The following FRMD1 variants were observed in gnomAD, a reference collection of about 807,000 sequenced individuals.
FRMD1 encodes FERM domain containing 1.
A neutral mutation model predicts 54.9 loss-of-function variants in FRMD1; 51 were observed. The ratio of observed to expected loss-of-function variants is 0.93; its 90% CI spans 0.74 to 1.17. FRMD1 has a LOEUF of 1.17. FRMD1 is among the 50% of genes most tolerant of loss of function. FRMD1 has a pLI of 0.00. For missense variants in FRMD1, 729 were observed against 743.0 expected (o/e 0.98, Z 0.22); for synonymous variants, 324 against 306.4 (o/e 1.06, Z -0.60).
intron 2 of FRMD1, among the ~76,000 whole-genome samples, chr6:168,070,985 G>A (rs1224381317): frequency 6.6e-6 from 1 of 152,194 alleles, no homozygotes; most frequent in South Asian, 2.1e-4. Context: ...CAGGCAGATC[G>A]GGACACACCA....
chr6:168,089,974 G>A (rs1389950693), intron 1 of FRMD1, among the ~76,000 whole-genome samples: 3 of 152,240 alleles, frequency 2.0e-5, no homozygotes, highest in African/African-American at 4.8e-5. Context: ...CTCAGCACTC[G>A]CAGCCCATCC....
In FRMD1 at chr6:168,060,981, A is replaced by AC. The variant is rs1188709275; in HGVS notation, c.1121dup (p.Ser374ArgfsTer53). 1 of 1,612,648 alleles carries AC rather than the reference A, an allele frequency of 6.2e-7. No individual in the cohort carries two copies. The highest frequency in any genetic ancestry group is 8.5e-7 in the Non-Finnish European group (1 of 1,179,930). On this transcript the variant is annotated frameshift_variant, in exon 9 of 11. Transcript: ENST00000283309. LOFTEE classifies it high-confidence loss of function. Reference sequence around the variant, plus strand: ...GGGGGCAGTGCTGGCTGCTGACCCCACTGCCCGGGAAGCTCCTGCTGGCCA... The same window carrying AC: ...GGGGGCAGTGCTGGCTGCTGACCCCACCTGCCCGGGAAGCTCCTGCTGGCCA...
chr6:168,084,523 A>G (rs1395748556), upstream of FRMD1, among the ~76,000 whole-genome samples: 1 of 152,178 alleles, frequency 6.6e-6, no homozygotes, highest in Non-Finnish European at 1.5e-5. Flanking sequence ...CCCTGGACCA[A>G]GAAGAAAACC....
chr6:168,090,990 C>T (rs1191629952), intron 1 of FRMD1, among the ~76,000 whole-genome samples: 1 of 152,218 alleles, frequency 6.6e-6, no homozygotes, highest in Non-Finnish European at 1.5e-5. Context: ...CCTCACTGGC[C>T]ACCCAAGCGG....
At chr6:168,084,661 G>A (rs1306908292), upstream of FRMD1, among the ~76,000 whole-genome samples, 1 of 152,222 alleles carries the variant, frequency 6.6e-6, no homozygotes, top group Non-Finnish European at 1.5e-5. Context: ...CCGTGAGAGC[G>A]CCTGCAGCCC....
intron 1 of FRMD1, among the ~76,000 whole-genome samples, chr6:168,087,250 G>A (rs1045339303): frequency 3.3e-5 from 5 of 151,974 alleles, no homozygotes; most frequent in African/African-American, 1.2e-4. Flanking sequence ...GTATTTTTTG[G>A]TAGACACAGG....
At chr6:168,081,524 A>G (rs1450748548), upstream of FRMD1, 41 of 1,523,104 alleles carry the variant, frequency 2.7e-5, no homozygotes, top group Non-Finnish European at 3.5e-5. Context: ...CTTCTTCTGG[A>G]CGGCTGGTTT....
intron 1 of FRMD1, among the ~76,000 whole-genome samples, chr6:168,091,014 C>T (rs1433938937): frequency 2.0e-5 from 3 of 152,230 alleles, no homozygotes; most frequent in Admixed American, 1.3e-4. Flanking sequence ...CCCGGCTCCG[C>T]TCTCTGCCCT....
intron 10 of FRMD1, among the ~76,000 whole-genome samples, chr6:168,058,913 C>T (rs1450246029): frequency 1.3e-5 from 2 of 152,186 alleles, no homozygotes; most frequent in African/African-American, 2.4e-5. Context: ...CCGACTCACT[C>T]GGCCCTGAGG....
At chr6:168,075,471 C>A in intron 1 of FRMD1, 136 bp from the exon 2 acceptor site, 1 of 717,786 alleles carries the variant, frequency 1.4e-6, no homozygotes, top group Admixed American at 2.0e-5. Flanking sequence ...AGGTCTGGGT[C>A]TCTCACTCTC....
rs148097635 is a variant in FRMD1, at chr6:168,060,836, C to G, written c.1267G>C (p.Gly423Arg). The G allele has an allele frequency of 6.2e-7, 1 of 1,613,572 alleles. No homozygotes were observed. Among genetic ancestry groups the G allele is most frequent in the Non-Finnish European group, 8.5e-7 (1 of 1,179,980 alleles). ...GAGGACGGCTCCTTCTCATGGAGCC[C>G]GTGGACCTCCAAGGGCACGTCCACA... ...MSVDVPLEVH[G>R]LHEKEPSSSP... The change falls in exon 9 of 11, where the codon GGG (glycine) becomes CGG (arginine). Residue 423 changes from glycine (G) to arginine (R), a missense_variant. Transcript: ENST00000283309.
upstream of FRMD1, among the ~76,000 whole-genome samples, chr6:168,079,605 C>T (rs1187774662): frequency 2.6e-5 from 4 of 152,202 alleles, no homozygotes; most frequent in African/African-American, 9.6e-5. Flanking sequence ...CTGCCCCACA[C>T]ACCTCCTGTG....
chr6:168,075,805 G>A (rs528610097), intron 1 of FRMD1: 1 of 1,549,994 alleles, frequency 6.5e-7, no homozygotes, highest in Non-Finnish European at 8.7e-7. Flanking sequence ...TCTCACGGCA[G>A]CCTCTAAACA....
chr6:168,081,327 C>G (rs1183908391), upstream of FRMD1: 7 of 1,511,124 alleles, frequency 4.6e-6, no homozygotes, highest in Admixed American at 4.0e-5. Flanking sequence ...TGACCGGGCC[C>G]CAACACTGAC....
At chr6:168,075,596 G>T in intron 1 of FRMD1, 3 of 751,292 alleles carry the variant, frequency 4.0e-6, no homozygotes, top group Non-Finnish European at 4.6e-6. Flanking sequence ...CTCCATCCCT[G>T]TCTGTCTCTG....
chr6:168,075,014 T>C (rs915379336), intron 2 of FRMD1, among the ~76,000 whole-genome samples: 7 of 151,536 alleles, frequency 4.6e-5, no homozygotes, highest in African/African-American at 1.7e-4. Context: ...ATGTGTGTGG[T>C]GTGTGCATGT....
chr6:168,063,292 G>A (rs984661304), intron 6 of FRMD1, among the ~76,000 whole-genome samples: 1 of 146,766 alleles, frequency 6.8e-6, no homozygotes, highest in Non-Finnish European at 1.5e-5. Context: ...TAGCCACGGG[G>A]GCTCCATCCA....
In FRMD1 at chr6:168,059,185, G is replaced by A. The variant is rs1250786374; in HGVS notation, c.1346C>T (p.Thr449Ile). The change falls in exon 10 of 11, where the codon ACT (threonine) becomes ATT (isoleucine). Residue 449 changes from threonine to isoleucine, a missense_variant. Physicochemically the swap from Thr to Ile is moderately conservative, Grantham distance 89. Coordinates refer to ENST00000283309, the MANE Select transcript of FRMD1 (RefSeq NM_024919.6). The surrounding 1 kb of genome is among the most constrained non-coding windows in gnomAD (Gnocchi z 4.4). ...HPSTRGDSQA[T>I]RQEPCTQVRT... ...GACCTGGGTGCAGGGCTCCTGACGA[G>A]TGGCTGTGGGAGGAGGCAGCCGTGA... 14 of 1,584,254 alleles carry A rather than the reference G, an allele frequency of 8.8e-6. No homozygotes were observed. Among genetic ancestry groups the A allele is most frequent in the Non-Finnish European group, 1.2e-5 (14 of 1,168,686 alleles).
intron 4 of FRMD1, chr6:168,065,925 T>C: frequency 1.0e-6 from 1 of 1,000,250 alleles, no homozygotes; most frequent in Non-Finnish European, 1.2e-6. Flanking sequence ...TGGAAGTAAG[T>C]CTCAGGATCC....
Sources: gnomAD v4.1 joint callset for allele counts (sites outside exome capture counted in the v4.1 genomes callset) on GRCh38, gnomAD v4.1.1 for gene constraint, Gnocchi (gnomAD v3.1) non-coding constraint, MANE v1.5 for transcripts, NCBI Gene and HGNC (gene_info 2026-07-23, HGNC 2026-07-21) for gene names.